ERBB4: variants seen among roughly 807,000 people sequenced by gnomAD.
ERBB4 encodes erb-b2 receptor tyrosine kinase 4, also known as receptor tyrosine-protein kinase erbB-4.
ERBB4 carries 42 observed loss-of-function variants against 158.0 expected under a neutral mutation model. The observed-to-expected ratio is 0.27, with a 90% CI of 0.21 to 0.34. The LOEUF is 0.34. Ranked by LOEUF, ERBB4 falls within the 10% of genes least tolerant of loss-of-function variation. The probability of loss-of-function intolerance (pLI) is 1.00; values close to 1 mark genes in which losing one functional copy is unlikely to be tolerated. For missense variants in ERBB4, 1,333 were observed against 1,624.1 expected (o/e 0.82, Z 3.08); for synonymous variants, 583 against 558.7 (o/e 1.04, Z -0.61).
Position 212,404,071 on chromosome 2 carries a change from C to T in ERBB4, c.82+134378G>A, listed in dbSNP as rs144343244. Among the ~76,000 whole-genome samples the T allele has an allele frequency of 5.9e-3, 904 of 151,984 alleles. 8 individuals carry two copies. Among genetic ancestry groups the T allele is most frequent in the Middle Eastern group, 0.028 (8 of 290 alleles). ...CATTTTTAAGTAACCCCCTAAATAA[C>T]AGGTTTTAGAGTCTGATTAGTTGAG... is the stretch of plus-strand genomic sequence containing the variant. On this transcript the variant is annotated intron_variant, in intron 1 of 27. Coordinates refer to ENST00000342788, the MANE Select transcript of ERBB4 (RefSeq NM_005235.3).
chr2:211,838,790 G>A (rs1354609430), intron 3 of ERBB4, among the ~76,000 whole-genome samples: 5 of 152,176 alleles, frequency 3.3e-5, no homozygotes, highest in Middle Eastern at 3.4e-3. Flanking sequence ...TCGGACTAAC[G>A]GGTCTGTATT....
At chr2:211,786,263 G>C (rs2076161950) in intron 4 of ERBB4, among the ~76,000 whole-genome samples, 1 of 152,060 alleles carries the variant, frequency 6.6e-6, no homozygotes, top group Non-Finnish European at 1.5e-5. Flanking sequence ...GATTACCTCT[G>C]GGGAGAAGAC....
intron 1 of ERBB4, among the ~76,000 whole-genome samples, chr2:212,211,563 T>C (rs12622947): frequency 0.57 from 83,934 of 148,006 alleles, 23,547 homozygotes; most frequent in East Asian, 0.77. Context: ...GTGAGAGAGA[T>C]CCAAAGTCTA....
intron 1 of ERBB4, among the ~76,000 whole-genome samples, chr2:212,308,579 G>C (rs1447994947): frequency 6.6e-6 from 1 of 150,804 alleles, no homozygotes; most frequent in East Asian, 2.0e-4. Context: ...AGTATTAAAG[G>C]TTGATCAATA....
chr2:212,496,439 T>C (rs1226404163), intron 1 of ERBB4, among the ~76,000 whole-genome samples: 1 of 152,162 alleles, frequency 6.6e-6, no homozygotes, highest in Non-Finnish European at 1.5e-5. Context: ...TGTTGCTAAT[T>C]GGACAAAGTA....
intron 1 of ERBB4, among the ~76,000 whole-genome samples, chr2:212,333,002 A>T (rs1009913372): frequency 6.6e-6 from 1 of 152,086 alleles, no homozygotes; most frequent in Admixed American, 6.6e-5. Flanking sequence ...TGGAACTAAG[A>T]TCATCACTCT....
At chr2:211,790,757 T>C (rs549410867) in intron 3 of ERBB4, among the ~76,000 whole-genome samples, 1 of 152,012 alleles carries the variant, frequency 6.6e-6, no homozygotes, top group Non-Finnish European at 1.5e-5. Context: ...CAATTAATGA[T>C]GGGTAGTTTA....
intron 3 of ERBB4, among the ~76,000 whole-genome samples, chr2:211,825,559 G>A (rs1233809005): frequency 6.6e-6 from 1 of 151,542 alleles, no homozygotes; most frequent in Non-Finnish European, 1.5e-5. Flanking sequence ...TAATTGTTCT[G>A]AGCATTTAGC....
intron 1 of ERBB4, among the ~76,000 whole-genome samples, chr2:212,261,791 G>A (rs1467291938): frequency 3.9e-5 from 6 of 152,004 alleles, no homozygotes; most frequent in African/African-American, 1.4e-4. Flanking sequence ...TTGTACATGT[G>A]TTATATATGT....
chr2:211,556,956 G>A (rs2067251773), intron 20 of ERBB4, among the ~76,000 whole-genome samples: 1 of 152,000 alleles, frequency 6.6e-6, no homozygotes, highest in African/African-American at 2.4e-5. Context: ...AAATAAGGCT[G>A]CATACCTTCA....
At chr2:211,671,941 T>G (rs1220855557) in intron 14 of ERBB4, among the ~76,000 whole-genome samples, 1 of 152,196 alleles carries the variant, frequency 6.6e-6, no homozygotes, top group Non-Finnish European at 1.5e-5. Flanking sequence ...GCATAGTTAC[T>G]TGGAGATCAT....
intron 3 of ERBB4, among the ~76,000 whole-genome samples, chr2:211,860,059 CTT>C (rs2077973389): frequency 6.6e-6 from 1 of 152,130 alleles, no homozygotes; most frequent in Non-Finnish European, 1.5e-5. Flanking sequence ...CAAAACATCT[CTT>C]GTCATTCATT....
chr2:211,901,860 ATAAACAT>A (rs1213918720), intron 3 of ERBB4, among the ~76,000 whole-genome samples: 6 of 152,288 alleles, frequency 3.9e-5, no homozygotes, highest in African/African-American at 1.4e-4. Flanking sequence ...TTGCTTTTAC[ATAAACAT>A]TAATGTACTT....
At chr2:211,388,872 G>A (rs1300936667) in intron 25 of ERBB4, among the ~76,000 whole-genome samples, 2 of 152,036 alleles carry the variant, frequency 1.3e-5, no homozygotes, top group African/African-American at 4.8e-5. Context: ...CACATTTTTT[G>A]AGAACCTACT....
intron 20 of ERBB4, among the ~76,000 whole-genome samples, chr2:211,444,684 T>C (rs2064067582): frequency 6.6e-6 from 1 of 152,076 alleles, no homozygotes; most frequent in South Asian, 2.1e-4. Context: ...CTCTATGTAG[T>C]TGAAAAGAAT....
chr2:211,550,113 T>C (rs112601101), intron 20 of ERBB4, among the ~76,000 whole-genome samples: 2,787 of 152,216 alleles, frequency 0.018, 90 homozygotes, highest in African/African-American at 0.061. Context: ...CTGACCACCA[T>C]TAAGCTAATA....
chr2:212,192,031 T>TTATATATAA (rs750266150), intron 1 of ERBB4, among the ~76,000 whole-genome samples: 243 of 47,424 alleles, frequency 5.1e-3, no homozygotes, highest in African/African-American at 0.02. Flanking sequence ...GTTATATATG[T>TTATATATAA]TATATGTTAT....
chr2:211,694,237 T>G (rs1227493115), intron 12 of ERBB4, among the ~76,000 whole-genome samples: 1 of 152,210 alleles, frequency 6.6e-6, no homozygotes, highest in African/African-American at 2.4e-5. Context: ...TCTGGAGAAC[T>G]GGAGCCTAGC....
intron 14 of ERBB4, 94 bp from the exon 15 acceptor site, chr2:211,665,571 G>A: frequency 4.2e-6 from 5 of 1,180,760 alleles, no homozygotes; most frequent in Non-Finnish European, 6.2e-6. Flanking sequence ...GACTTCAGTA[G>A]GTGGCAAATC....
Sources: allele counts gnomAD v4.1 joint callset (sites outside exome capture counted in the v4.1 genomes callset), GRCh38; gene constraint gnomAD v4.1.1; transcripts MANE v1.5; gene names NCBI Gene and HGNC (gene_info 2026-07-23, HGNC 2026-07-21).